The following STK17B variants were observed in gnomAD, a reference collection of about 807,000 sequenced individuals.
STK17B encodes the protein serine/threonine kinase 17b.
A neutral mutation model predicts 42.0 loss-of-function variants in STK17B; 21 were observed. The ratio of observed to expected loss-of-function variants is 0.50; its 90% CI spans 0.35 to 0.72. STK17B has a LOEUF of 0.72. STK17B is among the 30% of genes least tolerant of loss of function. The pLI is 0.00. For missense variants in STK17B, 349 were observed against 446.0 expected, an observed-to-expected ratio of 0.78 and a Z score of 1.96; for synonymous variants, 143 against 148.4, an observed-to-expected ratio of 0.96 and a Z score of 0.26.
chr2:196,160,963 T>C (rs1356723966), intron 2 of STK17B, among the ~76,000 whole-genome samples: 5 of 152,230 alleles, frequency 3.3e-5, no homozygotes, highest in Non-Finnish European at 5.9e-5. Flanking sequence ...AAATACTTTA[T>C]AGATTTTTTA....
chr2:196,169,853 CA>C (rs1191278566), intron 1 of STK17B, among the ~76,000 whole-genome samples: 1 of 150,702 alleles, frequency 6.6e-6, no homozygotes, highest in Non-Finnish European at 1.5e-5. Flanking sequence ...GCCATGTAAG[CA>C]AATATATTTC....
chr2:196,146,961 A>G (rs1699585659), intron 3 of STK17B, among the ~76,000 whole-genome samples: 1 of 152,190 alleles, frequency 6.6e-6, no homozygotes, highest in Non-Finnish European at 1.5e-5. Flanking sequence ...AGAATGCTGA[A>G]AAAGGCACAG....
At chr2:196,138,321 G>A (rs897142649) in intron 7 of STK17B, among the ~76,000 whole-genome samples, 1 of 152,096 alleles carries the variant, frequency 6.6e-6, no homozygotes, top group African/African-American at 2.4e-5. Flanking sequence ...TTCCACATCA[G>A]TACAGAGTTA....
At position 196,143,701 on chromosome 2, in the gene STK17B, A is replaced by T. The variant is rs1699525831; in HGVS notation, c.481-15T>A. On this transcript the variant is annotated splice_polypyrimidine_tract_variant and intron_variant, in intron 4 of 7. Coordinates refer to ENST00000263955, the MANE Select transcript of STK17B (RefSeq NM_004226.4). Reference sequence around the variant, plus strand: ...ATATTCTGTGGCTAAACAAAGTACAACAAAAACATGATAAGTAATATACAA... The same window carrying T: ...ATATTCTGTGGCTAAACAAAGTACATCAAAAACATGATAAGTAATATACAA... 1 of 1,494,974 alleles carries T rather than the reference A, an allele frequency of 6.7e-7. No homozygotes were observed. The highest frequency in any genetic ancestry group is 1.4e-5 in the African/African-American group (1 of 70,386). 92.6% of individuals were successfully genotyped at this position (1,494,974 alleles called of 1,614,324 possible). A position where few individuals can be genotyped will look rare whatever the true frequency, so the allele number is the denominator to read the frequency against.
At chr2:196,171,090 G>C (rs1699935292) in intron 1 of STK17B, 2 of 152,602 alleles carry the variant, frequency 1.3e-5, no homozygotes, top group African/African-American at 4.8e-5. Flanking sequence ...GAGGAGGGTG[G>C]TGGGAGGACC....
chr2:196,163,813 G>T (rs1396174747), intron 1 of STK17B, among the ~76,000 whole-genome samples: 1 of 152,046 alleles, frequency 6.6e-6, no homozygotes, highest in Non-Finnish European at 1.5e-5. Flanking sequence ...TGAGGCAGGA[G>T]GATCACTTGA....
At chr2:196,146,347 C>G (rs1318778609) in intron 3 of STK17B, among the ~76,000 whole-genome samples, 1 of 151,774 alleles carries the variant, frequency 6.6e-6, no homozygotes, top group Non-Finnish European at 1.5e-5. Context: ...CTACTAAAAA[C>G]ACAAAAATTA....
intron 2 of STK17B, among the ~76,000 whole-genome samples, chr2:196,156,922 T>A (rs373691682): frequency 1.3e-5 from 2 of 152,328 alleles, no homozygotes; most frequent in South Asian, 2.1e-4. Flanking sequence ...TACATTATCT[T>A]GGGAGGCCGA....
At chr2:196,159,833 T>C (rs1003733828) in intron 2 of STK17B, among the ~76,000 whole-genome samples, 24 of 152,232 alleles carry the variant, frequency 1.6e-4, no homozygotes, top group Admixed American at 3.3e-4. Flanking sequence ...GCCAGAAATA[T>C]GTACCCACTA....
In STK17B at chr2:196,139,783, C is replaced by T; in HGVS notation, c.673G>A (p.Ala225Thr). 3 of 1,396,106 alleles carry T rather than the reference C, an allele frequency of 2.1e-6. No individual in the cohort carries two copies. Among genetic ancestry groups the T allele is most frequent in the Non-Finnish European group, 1.9e-6 (2 of 1,066,464 alleles). The allele number at this position is 1,396,106 out of a possible 1,614,324, so 86.5% of individuals were successfully genotyped here. ...ATDMWNIGII[A>T]YMLLTHTSPF... The stretch of plus-strand genomic sequence containing the variant: ...GATGTGTGAGTTAACAACATATATG[C>T]TATTATACCAATATTCCTGAAAAAC... Residue 225 changes from alanine (A) to threonine (T), a missense_variant, in exon 7 of 8, where the codon GCA (alanine) becomes ACA (threonine). Physicochemically the swap from Ala to Thr is moderately conservative, Grantham distance 58 (BLOSUM62 0). Around this residue, in one of 3 missense-constraint regions of STK17B, gnomAD observed 256 missense variants for 347.7 expected, o/e 0.74. Transcript: ENST00000263955.
upstream of STK17B, chr2:196,174,395 C>G (rs992937609): frequency 1.2e-4 from 19 of 152,250 alleles, no homozygotes; most frequent in African/African-American, 4.3e-4. Flanking sequence ...CTCACCGATT[C>G]CATGTTTACT....
intron 3 of STK17B, among the ~76,000 whole-genome samples, chr2:196,150,317 C>A (rs1028191936): frequency 2.6e-5 from 4 of 152,030 alleles, no homozygotes; most frequent in African/African-American, 9.7e-5. Context: ...AAGAGTTTGT[C>A]CCTTGCAGGG....
chr2:196,143,300 T>C (rs1479627363), intron 5 of STK17B, among the ~76,000 whole-genome samples: 1 of 152,234 alleles, frequency 6.6e-6, no homozygotes. Flanking sequence ...TTTTTCCTTA[T>C]GTACAAATCC....
At position 196,133,897 on chromosome 2, in the gene STK17B, A is replaced by G. The variant is rs1699357890; in HGVS notation, c.*3550T>C. ...TTCTTTAAAATACTTTTATAAAATT[A>G]TAAATTGATAATAATCCCCCCAAAC... On this transcript the variant is annotated 3_prime_UTR_variant, in exon 8 of 8. Coordinates refer to ENST00000263955, the MANE Select transcript of STK17B (RefSeq NM_004226.4). 1 of 152,262 alleles carries G rather than the reference A, an allele frequency of 6.6e-6. No individual in the cohort carries two copies. The highest frequency in any genetic ancestry group is 2.1e-4 in the South Asian group (1 of 4,838). 9.4% of individuals were successfully genotyped at this position (152,262 alleles called of 1,614,324 possible). A position where few individuals can be genotyped will look rare whatever the true frequency, so the allele number is the denominator to read the frequency against.
chr2:196,146,677 A>G (rs1575175065), intron 3 of STK17B, among the ~76,000 whole-genome samples: 1 of 152,262 alleles, frequency 6.6e-6, no homozygotes, highest in African/African-American at 2.4e-5. Flanking sequence ...TCATATATGT[A>G]CATCTATATG....
intron 3 of STK17B, among the ~76,000 whole-genome samples, chr2:196,152,889 A>G (rs752073996): frequency 6.6e-6 from 1 of 152,234 alleles, no homozygotes; most frequent in Admixed American, 6.5e-5. Context: ...AAGATTTTGC[A>G]GTACAGGGGA....
chr2:196,173,204 C>A (rs1191975226), upstream of STK17B, among the ~76,000 whole-genome samples: 2 of 152,190 alleles, frequency 1.3e-5, no homozygotes, highest in Non-Finnish European at 2.9e-5. Flanking sequence ...CAGCCAGCCT[C>A]CTAGGGATAT....
In STK17B at chr2:196,163,397, C is replaced by T. The variant is rs747285700; in HGVS notation, c.-14G>A. ...CCTCCTCGACATGTTAGGTGATTCC[C>T]AGGTCTGCTTCTTTAGTCACTTATT... On this transcript the variant is annotated 5_prime_UTR_variant, in exon 2 of 8. Transcript: ENST00000263955. The T allele has an allele frequency of 2.5e-5, 40 of 1,571,502 alleles. No individual in the cohort carries two copies. In the East Asian group the frequency reaches 7.9e-4, roughly 31 times the overall value.
chr2:196,154,273 T>C (rs940531061), intron 3 of STK17B: 2 of 149,842 alleles, frequency 1.3e-5, no homozygotes, highest in Non-Finnish European at 3.0e-5. Context: ...AAGATAATAA[T>C]CACATGGTCT....
Sources: gnomAD v4.1 joint callset for allele counts (sites outside exome capture counted in the v4.1 genomes callset) on GRCh38, gnomAD v4.1.1 for gene constraint, gnomAD v4.1.1 regional missense constraint, MANE v1.5 for transcripts, NCBI Gene and HGNC (gene_info 2026-07-23, HGNC 2026-07-21) for gene names.